The following GATM variants were observed in gnomAD, a reference collection of about 807,000 sequenced individuals.
GATM encodes the protein glycine amidinotransferase, mitochondrial.
GATM carries 23 observed loss-of-function variants against 54.2 expected under a neutral mutation model. The ratio of observed to expected loss-of-function variants is 0.42; its 90% confidence interval spans 0.31 to 0.60. The LOEUF is 0.60. GATM is among the 20% of genes least tolerant of loss of function. The pLI is 0.14. For synonymous variants in GATM, 168 were observed against 183.1 expected, an observed-to-expected ratio of 0.92 and a Z score of 0.67; for missense variants, 401 against 544.9, an observed-to-expected ratio of 0.74 and a Z score of 2.63.
chr15:45,382,390 G>A (rs1488543167), upstream of GATM, among the ~76,000 whole-genome samples: 3 of 152,146 alleles, frequency 2.0e-5, no homozygotes, highest in African/African-American at 7.2e-5. Flanking sequence ...TGCTGGGTGT[G>A]GTGGTTCACA....
At chr15:45,363,878 A>T (rs1174148928) in intron 8 of GATM, 22 bp downstream of exon 8, 1 of 1,339,860 alleles carries the variant, frequency 7.5e-7, no homozygotes, top group Non-Finnish European at 1.1e-6. Context: ...GTATGACAAC[A>T]TGTTTCATTT....
chr15:45,374,013 CTATAAT>C (rs570586549), intron 2 of GATM, among the ~76,000 whole-genome samples: 156 of 152,310 alleles, frequency 1.0e-3, no homozygotes, highest in African/African-American at 3.7e-3. Flanking sequence ...ATCCATACAA[CTATAAT>C]AAGTTGTTGT....
upstream of GATM, chr15:45,378,795 G>A (rs1889693408): frequency 3.5e-6 from 1 of 286,208 alleles, no homozygotes; most frequent in African/African-American, 2.2e-5. Context: ...AGGCCCGTTG[G>A]AGTCTCGCGC....
At position 45,376,780 on chromosome 15, in the gene GATM, G is replaced by C. The variant is rs1165037271; in HGVS notation, c.109C>G (p.Gln37Glu). Residue 37 changes from glutamine to glutamate, a missense_variant, in exon 2 of 9, where the codon CAG becomes GAG. Coordinates refer to ENST00000396659, the MANE Select transcript of GATM (RefSeq NM_001482.3). The part of the protein sequence containing the change: ...TLTGWVQRTF[Q>E]STQAATASSR... ...GAAGCCGTAGCTGCCTGGGTGCTCT[G>C]GAAAGTTCGCTGCACCCATCCTGTC... is the stretch of plus-strand genomic sequence containing the variant. 1.2e-6 allele frequency: 2 copies of C among 1,613,976 alleles called. No homozygotes were observed. The highest frequency in any genetic ancestry group is 2.7e-5 in the African/African-American group (2 of 74,882).
chr15:45,364,803 G>A lies in GATM; in HGVS notation c.1036C>T (p.Pro346Ser). ...TIITPPTPII[P>S]DDHPLWMSSK... ...TGTATGAAAGTAAACATACCGTCTG[G>A]GATGATTGGTGTTGGAGGAGTAATG... Residue 346 changes from proline to serine, a missense_variant, in exon 7 of 9, where the codon CCA (proline) becomes TCA (serine). By Grantham distance (74) the Pro-to-Ser change is moderately conservative. Around this residue, in one of 3 missense-constraint regions of GATM, gnomAD observed 321 missense variants for 457.5 expected, o/e 0.70. Transcript: ENST00000396659. The A allele has an allele frequency of 6.2e-7, 1 of 1,612,710 alleles. No individual in the cohort carries two copies. The highest frequency in any genetic ancestry group is 8.5e-7 in the Non-Finnish European group (1 of 1,178,894).
In GATM at chr15:45,362,080, A is replaced by AG; in HGVS notation, c.*28dup. The AG allele has an allele frequency of 2.9e-6, 4 of 1,381,078 alleles. No homozygotes were observed. The highest frequency in any genetic ancestry group is 4.1e-6 in the Non-Finnish European group (4 of 969,384). 85.6% of individuals were successfully genotyped at this position (1,381,078 alleles called of 1,614,324 possible). A position where few individuals can be genotyped will look rare whatever the true frequency, so the allele number is the denominator to read the frequency against. On this transcript the variant is annotated 3_prime_UTR_variant, in exon 9 of 9. Coordinates refer to ENST00000396659, the MANE Select transcript of GATM (RefSeq NM_001482.3). ...CCCCTAAGCTTCTTAGGTGTATCTGAGGCCAGCCACAAGCTCCATCAGGCC... is the reference window on the plus strand; with the variant it reads ...CCCCTAAGCTTCTTAGGTGTATCTGAGGGCCAGCCACAAGCTCCATCAGGCC...
chr15:45,365,958 G>A (rs887373941), intron 6 of GATM, 88 bp downstream of exon 6: 1 of 1,227,374 alleles, frequency 8.1e-7, no homozygotes, highest in Non-Finnish European at 1.2e-6. Context: ...AGAACCATTA[G>A]GAACCATGGA....
upstream of GATM, chr15:45,378,699 C>T (rs1889691389): frequency 1.3e-5 from 5 of 384,686 alleles, no homozygotes; most frequent in East Asian, 8.8e-5. Context: ...CTCGAGCCTC[C>T]GATGCTTGCC....
intron 2 of GATM, among the ~76,000 whole-genome samples, chr15:45,370,375 CAA>C (rs1293081776): frequency 1.5e-4 from 12 of 77,850 alleles, no homozygotes; most frequent in Admixed American, 3.9e-4. Context: ...GACTCTGTCT[CAA>C]AAAAAAAAAA....
chr15:45,401,315 G>A (rs1367061551), intron 1 of GATM, among the ~76,000 whole-genome samples: 1 of 151,910 alleles, frequency 6.6e-6, no homozygotes, highest in Non-Finnish European at 1.5e-5. Flanking sequence ...TTGATTATTT[G>A]CATAGATAGA....
At position 45,364,035 on chromosome 15, in the gene GATM, G is replaced by T; in HGVS notation, c.1043-19C>A. ...GGATGATCTAAAAACAGCAACAACTGTTAAACCATGTCCGCTATCATTTTT... is the reference window on the plus strand; with the variant it reads ...GGATGATCTAAAAACAGCAACAACTTTTAAACCATGTCCGCTATCATTTTT... On this transcript the variant is annotated intron_variant, in intron 7 of 8. Transcript: ENST00000396659. 7.5e-7 allele frequency: 1 copy of T among 1,331,882 alleles called. No individual in the cohort carries two copies. The highest frequency in any genetic ancestry group is 1.1e-6 in the Non-Finnish European group (1 of 924,070). The allele number at this position is 1,331,882 out of a possible 1,614,324, so 82.5% of individuals were successfully genotyped here.
chr15:45,378,201 G>T, intron 1 of GATM, 184 bp downstream of exon 1: 1 of 499,558 alleles, frequency 2.0e-6, no homozygotes, highest in Admixed American at 4.1e-5. Context: ...CCAGCTCCTG[G>T]AGCCTGCGAA....
upstream of GATM, chr15:45,380,679 T>G (rs979972691): frequency 3.9e-5 from 6 of 152,112 alleles, no homozygotes; most frequent in East Asian, 9.6e-4. Flanking sequence ...ATTTTAATTT[T>G]GCAGATGTAA....
In GATM at chr15:45,362,023, A is replaced by G; in HGVS notation, c.*86T>C. 2 of 811,040 alleles carry G rather than the reference A, an allele frequency of 2.5e-6. No individual in the cohort carries two copies. The highest frequency in any genetic ancestry group is 2.5e-5 in the East Asian group (1 of 39,712). 50.2% of individuals were successfully genotyped at this position (811,040 alleles called of 1,614,324 possible). ...ATGATTGTTTAAAGCACTACAGTTC[A>G]TGCACTTTTTAAAGCAGGAGAATGA... is the stretch of plus-strand genomic sequence containing the variant. On this transcript the variant is annotated 3_prime_UTR_variant, in exon 9 of 9. Coordinates refer to ENST00000396659, the MANE Select transcript of GATM (RefSeq NM_001482.3).
At chr15:45,380,769 TA>T (rs1191241486), upstream of GATM, among the ~76,000 whole-genome samples, 2 of 152,148 alleles carry the variant, frequency 1.3e-5, no homozygotes, top group African/African-American at 4.8e-5. Flanking sequence ...CCAAAGAGCA[TA>T]CCCTTATCTC....
rs977561710 is a variant in GATM, at chr15:45,362,326, A to C, written c.1160-105T>G. The C allele has an allele frequency of 5.5e-6, 4 of 730,100 alleles. No homozygotes were observed. The African/African-American group carries it at 6.9e-5, about 13-fold the overall frequency. The allele number at this position is 730,100 out of a possible 1,614,324, so 45.2% of individuals were successfully genotyped here. On this transcript the variant is annotated intron_variant, in intron 8 of 8. Coordinates refer to ENST00000396659, the MANE Select transcript of GATM (RefSeq NM_001482.3). Reference sequence around the variant, plus strand: ...AGGAGTCCTGTGGTTCTAATCCTTAAGGATACCCAACCCAGAATAGTATTT... The same window carrying C: ...AGGAGTCCTGTGGTTCTAATCCTTACGGATACCCAACCCAGAATAGTATTT...
chr15:45,398,036 G>A (rs1021772626), intron 2 of GATM, among the ~76,000 whole-genome samples: 1 of 152,124 alleles, frequency 6.6e-6, no homozygotes, highest in African/African-American at 2.4e-5. Context: ...GTTTAAAGTA[G>A]CCCTTTTCCG....
intron 2 of GATM, among the ~76,000 whole-genome samples, chr15:45,371,040 T>C (rs1273809725): frequency 6.6e-6 from 1 of 152,234 alleles, no homozygotes; most frequent in Non-Finnish European, 1.5e-5. Flanking sequence ...CCCAAAGGGC[T>C]GGGATTATAG....
intron 8 of GATM, 158 bp downstream of exon 8, chr15:45,363,742 T>C: frequency 1.6e-6 from 1 of 643,516 alleles, no homozygotes; most frequent in South Asian, 1.8e-5. Context: ...GTGTTGAAAA[T>C]AAAAATACTG....
Sources: gnomAD v4.1 joint callset for allele counts (sites outside exome capture counted in the v4.1 genomes callset) on GRCh38, gnomAD v4.1.1 for gene constraint, gnomAD v4.1.1 regional missense constraint, MANE v1.5 for transcripts, NCBI Gene and HGNC (gene_info 2026-07-23, HGNC 2026-07-21) for gene names.